The following LOC128462377 variants were observed in gnomAD, a reference collection of about 807,000 sequenced individuals.
At chr16:89,351,959 G>A in the LOC128462377 span, among the ~76,000 whole-genome samples, 1 of 152,198 alleles carries the variant, frequency 6.6e-6, no homozygotes, top group African/African-American at 2.4e-5. Flanking sequence ...CGCCCAGGAT[G>A]GAGTGCAGTG....
the LOC128462377 span, among the ~76,000 whole-genome samples, chr16:89,334,721 G>A: frequency 2.0e-5 from 3 of 152,066 alleles, no homozygotes; most frequent in African/African-American, 4.8e-5. Flanking sequence ...AGCACAGGCC[G>A]CCAACCACGT....
the LOC128462377 span, chr16:89,323,409 C>T: frequency 1.7e-6 from 2 of 1,177,412 alleles, no homozygotes; most frequent in Non-Finnish European, 1.1e-6. Flanking sequence ...CAGCCCAGGG[C>T]AGGGGGGCTG....
chr16:89,342,736 C>T, the LOC128462377 span, among the ~76,000 whole-genome samples: 3 of 152,126 alleles, frequency 2.0e-5, no homozygotes, highest in Admixed American at 6.5e-5. Flanking sequence ...CACTATAGTC[C>T]TCATTAAAAT....
At chr16:89,348,360 C>G in the LOC128462377 span, among the ~76,000 whole-genome samples, 326 of 152,290 alleles carry the variant, frequency 2.1e-3, 2 homozygotes, top group Middle Eastern at 6.8e-3. Context: ...ATAAACCCCG[C>G]TTGCTCATGA....
the LOC128462377 span, among the ~76,000 whole-genome samples, chr16:89,349,718 C>T: frequency 6.6e-6 from 1 of 152,100 alleles, no homozygotes; most frequent in African/African-American, 2.4e-5. Flanking sequence ...CTCTACGATG[C>T]TGGCTTAGAG....
At chr16:89,317,141 A>C in the LOC128462377 span, 1 of 1,078,272 alleles carries the variant, frequency 9.3e-7, no homozygotes, top group Non-Finnish European at 1.4e-6. Flanking sequence ...ATCCACTCTC[A>C]CACCGCACTC....
chr16:89,329,321 C>T, the LOC128462377 span, among the ~76,000 whole-genome samples: 3 of 152,140 alleles, frequency 2.0e-5, no homozygotes, highest in African/African-American at 7.2e-5. Flanking sequence ...GGCCACTGGG[C>T]GAAGGTGGGG....
At chr16:89,353,966 A>T in the LOC128462377 span, among the ~76,000 whole-genome samples, 2 of 152,164 alleles carry the variant, frequency 1.3e-5, no homozygotes, top group Non-Finnish European at 1.5e-5. Context: ...ATAAAGGCGG[A>T]GCTGGCTTCC....
the LOC128462377 span, among the ~76,000 whole-genome samples, chr16:89,389,865 G>C: frequency 7.3e-6 from 1 of 136,180 alleles, no homozygotes; most frequent in Non-Finnish European, 1.6e-5. Flanking sequence ...AGAGAAAGAA[G>C]ATCACTGGGG....
At chr16:89,404,703 A>G in the LOC128462377 span, among the ~76,000 whole-genome samples, 1 of 152,202 alleles carries the variant, frequency 6.6e-6, no homozygotes, top group East Asian at 1.9e-4. Context: ...ACCTTCCTAC[A>G]AGCACACAGA....
the LOC128462377 span, among the ~76,000 whole-genome samples, chr16:89,381,006 G>A: frequency 1.3e-5 from 2 of 152,140 alleles, no homozygotes; most frequent in African/African-American, 4.8e-5. Context: ...CTGAGCACAC[G>A]GTAAACAATC....
chr16:89,364,901 A>G, the LOC128462377 span, among the ~76,000 whole-genome samples: 2 of 152,238 alleles, frequency 1.3e-5, no homozygotes, highest in Non-Finnish European at 2.9e-5. Flanking sequence ...GAAAAGCCTC[A>G]TCGAATGCTG....
chr16:89,388,584 G>A, the LOC128462377 span, among the ~76,000 whole-genome samples: 1 of 152,172 alleles, frequency 6.6e-6, no homozygotes, highest in Non-Finnish European at 1.5e-5. Context: ...GTCTCTGACT[G>A]GGAATAAGGA....
the LOC128462377 span, among the ~76,000 whole-genome samples, chr16:89,330,851 C>T: frequency 6.6e-6 from 1 of 152,160 alleles, no homozygotes; most frequent in Admixed American, 6.5e-5. Flanking sequence ...TAAACTTCCC[C>T]CAGTGGCTTT....
At chr16:89,343,520 A>G in the LOC128462377 span, among the ~76,000 whole-genome samples, 1 of 152,228 alleles carries the variant, frequency 6.6e-6, no homozygotes, top group African/African-American at 2.4e-5. Context: ...CAAATGAGAC[A>G]GAGCTCGAGG....
the LOC128462377 span, among the ~76,000 whole-genome samples, chr16:89,406,512 C>G: frequency 6.6e-6 from 1 of 152,186 alleles, no homozygotes; most frequent in African/African-American, 2.4e-5. Context: ...GTTGGCCATG[C>G]CCGGTGTCAG....
the LOC128462377 span, among the ~76,000 whole-genome samples, chr16:89,371,224 G>A: frequency 1.3e-5 from 2 of 152,096 alleles, no homozygotes; most frequent in African/African-American, 4.8e-5. Context: ...CAACACTTTC[G>A]CAAATACTCA....
At chr16:89,410,527 C>G in the LOC128462377 span, among the ~76,000 whole-genome samples, 1 of 152,132 alleles carries the variant, frequency 6.6e-6, no homozygotes, top group East Asian at 1.9e-4. Flanking sequence ...GAAACACCTG[C>G]CCCCGGGCTA....
chr16:89,417,445 G>T, the LOC128462377 span, among the ~76,000 whole-genome samples: 1 of 152,116 alleles, frequency 6.6e-6, no homozygotes, highest in African/African-American at 2.4e-5. Context: ...CTGGAAGGAG[G>T]GAGGACTCTG....
Sources: allele counts gnomAD v4.1 joint callset (sites outside exome capture counted in the v4.1 genomes callset), GRCh38; gene constraint gnomAD v4.1.1; transcripts MANE v1.5.